CHLSN: variants seen among roughly 807,000 people sequenced by gnomAD.
CHLSN encodes protein cholesin.
At chr7:1,021,793 A>C in the CHLSN span, among the ~76,000 whole-genome samples, 1 of 152,242 alleles carries the variant, frequency 6.6e-6, no homozygotes, top group Non-Finnish European at 1.5e-5. Flanking sequence ...TGCGGCAAAA[A>C]TACCCGCCCA....
the CHLSN span, among the ~76,000 whole-genome samples, chr7:1,037,659 G>A: frequency 0.043 from 5,642 of 131,530 alleles, 419 homozygotes; most frequent in African/African-American, 0.14. Flanking sequence ...GCCTCTGCCC[G>A]GCCGCCACCC....
the CHLSN span, among the ~76,000 whole-genome samples, chr7:999,379 C>T: frequency 2.0e-5 from 3 of 152,310 alleles, no homozygotes; most frequent in African/African-American, 7.2e-5. Flanking sequence ...TCTACTTCCA[C>T]CCTTGTGCCT....
chr7:1,112,844 A>C, the CHLSN span, among the ~76,000 whole-genome samples: 1 of 152,164 alleles, frequency 6.6e-6, no homozygotes, highest in Non-Finnish European at 1.5e-5. Flanking sequence ...TAAACATCTA[A>C]ACATGCATGC....
the CHLSN span, among the ~76,000 whole-genome samples, chr7:1,011,299 C>T: frequency 2.0e-5 from 3 of 147,504 alleles, no homozygotes; most frequent in Non-Finnish European, 4.5e-5. Context: ...AGACCAACAC[C>T]CACACGCCCA....
the CHLSN span, among the ~76,000 whole-genome samples, chr7:1,045,010 G>A: frequency 6.6e-6 from 1 of 152,262 alleles, no homozygotes; most frequent in Non-Finnish European, 1.5e-5. Context: ...GACTGCTTTC[G>A]GCCCCTTCTG....
chr7:1,078,401 G>C, the CHLSN span, among the ~76,000 whole-genome samples: 2 of 152,064 alleles, frequency 1.3e-5, no homozygotes, highest in Non-Finnish European at 2.9e-5. Flanking sequence ...GAAGGCCTGC[G>C]AAGGGGGCCC....
At chr7:1,014,044 G>C in the CHLSN span, among the ~76,000 whole-genome samples, 1 of 152,182 alleles carries the variant, frequency 6.6e-6, no homozygotes, top group Non-Finnish European at 1.5e-5. Flanking sequence ...CACCTACGCT[G>C]TGTATTTCAC....
chr7:1,093,222 A>C, the CHLSN span: 1 of 496,054 alleles, frequency 2.0e-6, no homozygotes, highest in African/African-American at 2.0e-5. Flanking sequence ...CCACACGGAG[A>C]GGCCACTGTG....
the CHLSN span, among the ~76,000 whole-genome samples, chr7:1,040,991 G>A: frequency 6.6e-6 from 1 of 152,266 alleles, no homozygotes; most frequent in Non-Finnish European, 1.5e-5. Context: ...TCAACCCGAA[G>A]CCAGAGGCTC....
At chr7:1,088,680 C>G in the CHLSN span, among the ~76,000 whole-genome samples, 6 of 152,236 alleles carry the variant, frequency 3.9e-5, no homozygotes, top group African/African-American at 1.2e-4. This position sits in a 1 kb window ranked among gnomAD's most constrained non-coding sequence, Gnocchi z 4.5. Context: ...CTCACCAACC[C>G]TGAAGCCCTG....
At chr7:1,004,996 T>TA in the CHLSN span, among the ~76,000 whole-genome samples, 4 of 151,790 alleles carry the variant, frequency 2.6e-5, no homozygotes, top group Non-Finnish European at 4.4e-5. Context: ...TACTGGGCTT[T>TA]AAAAAAAAGC....
the CHLSN span, chr7:1,058,097 C>T: frequency 7.4e-4 from 565 of 765,044 alleles, no homozygotes; most frequent in Admixed American, 1.2e-3. Flanking sequence ...TGGTGTTCAT[C>T]GGCTACGTGG....
At chr7:1,069,310 G>A in the CHLSN span, among the ~76,000 whole-genome samples, 9 of 152,108 alleles carry the variant, frequency 5.9e-5, no homozygotes, top group East Asian at 5.8e-4. Context: ...CAGCCTGGGC[G>A]ACAGAGCGAA....
At chr7:1,014,228 C>T in the CHLSN span, among the ~76,000 whole-genome samples, 2 of 152,236 alleles carry the variant, frequency 1.3e-5, no homozygotes, top group African/African-American at 2.4e-5. Flanking sequence ...GCTGCCACAG[C>T]ACCTTCCAGA....
At chr7:1,071,131 C>T in the CHLSN span, among the ~76,000 whole-genome samples, 4 of 152,370 alleles carry the variant, frequency 2.6e-5, no homozygotes, top group East Asian at 5.8e-4. Flanking sequence ...CTGGATTCCA[C>T]TCATAGAGGC....
the CHLSN span, chr7:987,423 C>T: frequency 1.3e-6 from 2 of 1,593,424 alleles, no homozygotes; most frequent in Non-Finnish European, 1.7e-6. Context: ...AGGCTCTGCC[C>T]TACACAAGCG....
the CHLSN span, among the ~76,000 whole-genome samples, chr7:994,719 G>A: frequency 3.3e-5 from 5 of 152,226 alleles, no homozygotes; most frequent in Admixed American, 3.3e-4. Flanking sequence ...AGTTACAGGT[G>A]TGAGCCGCCG....
chr7:1,136,012 A>G, the CHLSN span, among the ~76,000 whole-genome samples: 5 of 120,886 alleles, frequency 4.1e-5, no homozygotes, highest in African/African-American at 1.7e-4. Context: ...TATATAAAAT[A>G]TATATGTATA....
the CHLSN span, among the ~76,000 whole-genome samples, chr7:1,120,838 C>T: frequency 9.0e-5 from 13 of 144,054 alleles, no homozygotes; most frequent in South Asian, 6.6e-4. Flanking sequence ...GGCCGGCAGG[C>T]GGCCCATGGA....
Sources: gnomAD v4.1 joint callset for allele counts (sites outside exome capture counted in the v4.1 genomes callset) on GRCh38, gnomAD v4.1.1 for gene constraint, Gnocchi (gnomAD v3.1) non-coding constraint, MANE v1.5 for transcripts, NCBI Gene and HGNC (gene_info 2026-07-23, HGNC 2026-07-21) for gene names.